Variants in LRRC37A2 observed in about 807,000 individuals in gnomAD.
LRRC37A2 encodes leucine-rich repeat-containing protein 37A2.
Under a neutral mutation model 68.8 loss-of-function variants are expected in LRRC37A2, and 9 were observed. The observed-to-expected ratio is 0.13, with a 90% confidence interval of 0.08 to 0.23. LRRC37A2 has a LOEUF of 0.23. LRRC37A2 is among the 10% of genes least tolerant of loss of function. The pLI is 1.00. For synonymous variants in LRRC37A2, 63 were observed against 367.6 expected (o/e 0.17, Z 9.48); for missense variants, 168 against 950.4 (o/e 0.18, Z 10.82).
At chr17:46,605,466 T>C in the LRRC37A2 span, among the ~76,000 whole-genome samples, 1 of 149,412 alleles carries the variant, frequency 6.7e-6, no homozygotes, top group African/African-American at 2.5e-5. Flanking sequence ...AAAAAAAAGC[T>C]GTCAGAGAAA....
chr17:46,962,781 T>G, the LRRC37A2 span, among the ~76,000 whole-genome samples: 67,933 of 152,046 alleles, frequency 0.45, 15,401 homozygotes, highest in South Asian at 0.52. Flanking sequence ...TGAGCCCAGT[T>G]AACCTGCAGG....
the LRRC37A2 span, among the ~76,000 whole-genome samples, chr17:47,044,093 A>T: frequency 2.7e-5 from 2 of 74,978 alleles, no homozygotes. Context: ...TGATGAGCAA[A>T]TTGAATTATG....
chr17:46,717,636 C>T, the LRRC37A2 span, among the ~76,000 whole-genome samples: 4 of 152,112 alleles, frequency 2.6e-5, no homozygotes, highest in South Asian at 4.1e-4. Flanking sequence ...CGCTTGAACC[C>T]GGGAGGCAGA....
the LRRC37A2 span, among the ~76,000 whole-genome samples, chr17:46,492,298 A>G: frequency 6.6e-6 from 1 of 150,982 alleles, no homozygotes; most frequent in Non-Finnish European, 1.5e-5. Flanking sequence ...TTAATTTTTT[A>G]GTTTATACGT....
At chr17:47,005,243 TTTTG>T in the LRRC37A2 span, among the ~76,000 whole-genome samples, 1 of 152,364 alleles carries the variant, frequency 6.6e-6, no homozygotes, top group East Asian at 1.9e-4. Context: ...AGTTCATTTA[TTTTG>T]TTTTATTTAT....
At chr17:46,794,111 T>C in the LRRC37A2 span, among the ~76,000 whole-genome samples, 2 of 151,658 alleles carry the variant, frequency 1.3e-5, no homozygotes, top group Non-Finnish European at 1.5e-5. Flanking sequence ...TTATAAACTC[T>C]CTGGTGGGAG....
the LRRC37A2 span, among the ~76,000 whole-genome samples, chr17:47,015,935 A>AT: frequency 9.1e-3 from 1 of 110 alleles, no homozygotes; most frequent in East Asian, 0.17. Flanking sequence ...AATCTCTTCC[A>AT]TTTTATTTAT....
the LRRC37A2 span, among the ~76,000 whole-genome samples, chr17:46,844,940 C>T: frequency 6.6e-6 from 1 of 152,020 alleles, no homozygotes; most frequent in Non-Finnish European, 1.5e-5. Context: ...CTCCGCCTCC[C>T]AGCTGCAAGC....
chr17:46,742,154 T>C, the LRRC37A2 span, among the ~76,000 whole-genome samples: 7 of 152,356 alleles, frequency 4.6e-5, no homozygotes, highest in African/African-American at 1.4e-4. Context: ...AGCTAATCAA[T>C]TGATTAAAAG....
At chr17:46,920,558 TGGGA>T in the LRRC37A2 span, among the ~76,000 whole-genome samples, 1 of 152,188 alleles carries the variant, frequency 6.6e-6, no homozygotes, top group Non-Finnish European at 1.5e-5. Context: ...TCTCCTGCCT[TGGGA>T]GGAATAGTAG....
the LRRC37A2 span, among the ~76,000 whole-genome samples, chr17:46,884,817 G>A: frequency 3.9e-5 from 6 of 152,174 alleles, no homozygotes; most frequent in Admixed American, 1.3e-4. Flanking sequence ...GCTGGACTGG[G>A]ATTGGGAGGT....
the LRRC37A2 span, among the ~76,000 whole-genome samples, chr17:46,740,439 A>G: frequency 6.6e-6 from 1 of 152,218 alleles, no homozygotes; most frequent in South Asian, 2.1e-4. Context: ...ATTAGAAAGG[A>G]GAATATTGAC....
chr17:46,819,631 A>G, the LRRC37A2 span, among the ~76,000 whole-genome samples: 2 of 151,996 alleles, frequency 1.3e-5, no homozygotes, highest in Non-Finnish European at 2.9e-5. This position sits in a 1 kb window ranked among gnomAD's most constrained non-coding sequence, Gnocchi z 5.3. Flanking sequence ...AGCGCCCCTC[A>G]CTGCCCGACC....
chr17:46,773,033 G>GCCTC, the LRRC37A2 span, among the ~76,000 whole-genome samples: 2 of 152,222 alleles, frequency 1.3e-5, no homozygotes, highest in Middle Eastern at 3.4e-3. Flanking sequence ...GTCCCACTTA[G>GCCTC]CCTCCCTCCC....
chr17:46,909,002 T>C, the LRRC37A2 span, among the ~76,000 whole-genome samples: 8 of 152,184 alleles, frequency 5.3e-5, no homozygotes, highest in Admixed American at 4.6e-4. Flanking sequence ...AGCTCTGCCT[T>C]CCAGGAGCCT....
chr17:47,016,047 C>A, the LRRC37A2 span, among the ~76,000 whole-genome samples: 2 of 152,118 alleles, frequency 1.3e-5, no homozygotes, highest in Admixed American at 6.6e-5. Flanking sequence ...CAGGTTCAAG[C>A]GATTCTCCTG....
the LRRC37A2 span, chr17:46,975,640 G>C: frequency 6.6e-6 from 1 of 152,346 alleles, no homozygotes; most frequent in African/African-American, 2.4e-5. Flanking sequence ...TCTTCCTCCT[G>C]AGGCACAAGG....
At chr17:46,756,134 A>C in the LRRC37A2 span, 2 of 273,620 alleles carry the variant, frequency 7.3e-6, no homozygotes, top group African/African-American at 4.4e-5. Context: ...TACACGTTTC[A>C]ACCTCTCTAC....
the LRRC37A2 span, among the ~76,000 whole-genome samples, chr17:46,890,969 A>G: frequency 2.0e-5 from 3 of 152,138 alleles, no homozygotes; most frequent in Admixed American, 2.0e-4. Context: ...ACCTATCACC[A>G]CTTGACAGTT....
Sources: gnomAD v4.1 joint callset for allele counts (sites outside exome capture counted in the v4.1 genomes callset) on GRCh38, gnomAD v4.1.1 for gene constraint, Gnocchi (gnomAD v3.1) non-coding constraint, MANE v1.5 for transcripts, NCBI Gene and HGNC (gene_info 2026-07-23, HGNC 2026-07-21) for gene names.